Variants in RPL21 observed in about 807,000 individuals in gnomAD.
The protein encoded by RPL21 is large ribosomal subunit protein eL21.
Under a neutral mutation model 21.2 loss-of-function variants are expected in RPL21, and 1 was observed. The ratio of observed to expected loss-of-function variants is 0.05; its 90% confidence interval spans 0.02 to 0.22. The LOEUF is 0.22. Among genes scored for constraint, RPL21 ranks in the 10% least tolerant of loss-of-function variants. RPL21 has a pLI of 1.00. For missense variants in RPL21, 113 were observed against 199.4 expected, an observed-to-expected ratio of 0.57 and a Z score of 2.61; for synonymous variants, 52 against 62.9, an observed-to-expected ratio of 0.83 and a Z score of 0.82.
intron 2 of RPL21, 72 bp downstream of exon 2, chr13:27,253,915 A>G: frequency 1.1e-6 from 1 of 892,980 alleles, no homozygotes; most frequent in Non-Finnish European, 1.9e-6. Context: ...CATGTGTTGT[A>G]GTTCATAGAA....
intron 4 of RPL21, 21 bp from the exon 5 acceptor site, chr13:27,256,163 A>G (rs753084762): frequency 9.5e-6 from 15 of 1,573,196 alleles, no homozygotes; most frequent in Non-Finnish European, 1.1e-5. Flanking sequence ...AAGCACTTAA[A>G]AGAATTTCTG....
Position 27,253,861 on chromosome 13 carries a change from C to A in RPL21, c.67+18C>A, listed in dbSNP as rs765256469. 3 of 1,411,928 alleles carry A rather than the reference C, an allele frequency of 2.1e-6. No individual in the cohort carries two copies. The highest frequency in any genetic ancestry group is 3.0e-6 in the Non-Finnish European group (3 of 995,778). 87.5% of individuals were successfully genotyped at this position (1,411,928 alleles called of 1,614,324 possible). Reference sequence around the variant, plus strand: ...AAAACATGGTAAGTAGGTTTACCTTCCTTGAGAGAAGCATGGCACACATTT... The same window carrying A: ...AAAACATGGTAAGTAGGTTTACCTTACTTGAGAGAAGCATGGCACACATTT... On this transcript the variant is annotated intron_variant, in intron 2 of 5. Coordinates refer to ENST00000311549, the MANE Select transcript of RPL21 (RefSeq NM_000982.4).
intron 3 of RPL21, 101 bp downstream of exon 3, chr13:27,254,382 T>C (rs1881789978): frequency 1.7e-6 from 1 of 588,784 alleles, no homozygotes; most frequent in East Asian, 3.0e-5. Context: ...TCTGTAAGAG[T>C]ATAGAATGGA....
chr13:27,254,371 A>G (rs1198583092), intron 3 of RPL21, 90 bp downstream of exon 3: 2 of 740,240 alleles, frequency 2.7e-6, no homozygotes, highest in East Asian at 5.2e-5. Context: ...TGTATGTTGC[A>G]TCTGTAAGAG....
At chr13:27,256,149 G>A in intron 4 of RPL21, 35 bp from the exon 5 acceptor site, 2 of 1,533,160 alleles carry the variant, frequency 1.3e-6, no homozygotes, top group Non-Finnish European at 1.8e-6. Flanking sequence ...TTATATTTTT[G>A]TTAAAGCACT....
intron 3 of RPL21, 180 bp from the exon 4 acceptor site, chr13:27,255,062 C>T (rs553802640): frequency 8.6e-5 from 65 of 759,748 alleles, no homozygotes; most frequent in Admixed American, 4.8e-4. Flanking sequence ...TCTTGGCACT[C>T]GAGCTTAATG....
chr13:27,254,228 C>A lies in RPL21; in HGVS notation c.76C>A (p.Pro26Thr). Residue 26 changes from proline to threonine, a missense_variant, in exon 3 of 6, where the codon CCT becomes ACT. Physicochemically the swap from Pro to Thr is conservative, Grantham distance 38. Coordinates refer to ENST00000311549, the MANE Select transcript of RPL21 (RefSeq NM_000982.4). ...CAAATTTATTTTTGTAGGAGTTGTT[C>A]CTTTGGCCACATATATGCGAATCTA... The part of the protein sequence containing the change: ...SRPFRKHGVV[P>T]LATYMRIYKK... 6.3e-7 allele frequency: 1 copy of A among 1,592,736 alleles called. No homozygotes were observed. Among genetic ancestry groups the A allele is most frequent in the South Asian group, 1.1e-5 (1 of 90,624 alleles).
chr13:27,253,512 C>T (rs1277943917), intron 1 of RPL21, among the ~76,000 whole-genome samples: 1 of 152,166 alleles, frequency 6.6e-6, no homozygotes, highest in Non-Finnish European at 1.5e-5. Context: ...AGAAAGGGTA[C>T]TAGTTTGGAT....
intron 3 of RPL21, 103 bp downstream of exon 3, chr13:27,254,384 T>C: frequency 1.9e-6 from 1 of 538,004 alleles, no homozygotes; most frequent in South Asian, 2.0e-5. Flanking sequence ...TGTAAGAGTA[T>C]AGAATGGATT....
At chr13:27,252,778 A>G (rs1020477974) in intron 1 of RPL21, among the ~76,000 whole-genome samples, 5 of 152,174 alleles carry the variant, frequency 3.3e-5, no homozygotes, top group African/African-American at 1.2e-4. Context: ...CTTGCTATAC[A>G]ATTTTTATAA....
At chr13:27,253,267 A>G (rs1318440303) in intron 1 of RPL21, among the ~76,000 whole-genome samples, 1 of 152,272 alleles carries the variant, frequency 6.6e-6, no homozygotes, top group African/African-American at 2.4e-5. Context: ...GTAAATAATC[A>G]GAAATGTGAA....
Position 27,256,217 on chromosome 13 carries a change from T to C in RPL21, c.276T>C (p.Arg92=). The C allele has an allele frequency of 1.9e-6, 3 of 1,588,084 alleles. No individual in the cohort carries two copies. Among genetic ancestry groups the C allele is most frequent in the South Asian group, 2.2e-5 (2 of 88,966 alleles). Residue 92 remains arginine (R), a synonymous_variant, in exon 5 of 6, where the codon CGT becomes CGC. Coordinates refer to ENST00000311549, the MANE Select transcript of RPL21 (RefSeq NM_000982.4). ...TTCTTGCCAAGAGAATTAATGTGCG[T>C]ATTGAGCACATTAAGCACTCTAAGA... ...GKILAKRINV[R]IEHIKHSKSR... is the part of the protein sequence containing the mutation.
intron 1 of RPL21, among the ~76,000 whole-genome samples, chr13:27,252,156 C>G (rs1290912550): frequency 6.6e-6 from 1 of 152,146 alleles, no homozygotes; most frequent in African/African-American, 2.4e-5. Flanking sequence ...GTGATGAACC[C>G]TCACTGCCCT....
chr13:27,253,992 C>T, intron 2 of RPL21, 149 bp downstream of exon 2: 3 of 704,258 alleles, frequency 4.3e-6, no homozygotes, highest in Non-Finnish European at 5.1e-6. Flanking sequence ...AAATAAATTA[C>T]CAAAATTATA....
chr13:27,252,805 G>A (rs925714683), intron 1 of RPL21, among the ~76,000 whole-genome samples: 1 of 152,170 alleles, frequency 6.6e-6, no homozygotes, highest in African/African-American at 2.4e-5. Flanking sequence ...TACTTTGGGA[G>A]CCATTCTTAA....
intron 4 of RPL21, chr13:27,255,581 T>C: frequency 5.8e-6 from 4 of 689,838 alleles, no homozygotes; most frequent in South Asian, 5.5e-5. Context: ...GGTTTGTTTG[T>C]TTTGTTTCGA....
Position 27,256,239 on chromosome 13 carries a change from A to C in RPL21, c.298A>C (p.Lys100Gln), listed in dbSNP as rs763561488. The C allele has an allele frequency of 6.3e-7, 1 of 1,587,934 alleles. No individual in the cohort carries two copies. Among genetic ancestry groups the C allele is most frequent in the East Asian group, 2.3e-5 (1 of 44,242 alleles). The change falls in exon 5 of 6, where the codon AAG becomes CAG. Residue 100 changes from lysine (K) to glutamine (Q), a missense_variant. Transcript: ENST00000311549. ...GCGTATTGAGCACATTAAGCACTCT[A>C]AGAGCCGAGATAGCTTCCTGAAACG... ...NVRIEHIKHS[K>Q]SRDSFLKRVK... is the part of the protein sequence containing the mutation.
intron 3 of RPL21, 130 bp downstream of exon 3, chr13:27,254,411 T>TTTTTTTTGA (rs56287071): frequency 1.5e-6 from 1 of 647,118 alleles, no homozygotes; most frequent in Non-Finnish European, 2.7e-6. Flanking sequence ...TTTTTTTTTT[T>TTTTTTTTGA]GGAGACGGAG....
chr13:27,251,979 C>T (rs983415253), intron 1 of RPL21: 3 of 152,374 alleles, frequency 2.0e-5, no homozygotes, highest in African/African-American at 7.2e-5. Context: ...TTTCTAACTC[C>T]TTTCAGTGTG....
Sources: allele counts gnomAD v4.1 joint callset (sites outside exome capture counted in the v4.1 genomes callset), GRCh38; gene constraint gnomAD v4.1.1; transcripts MANE v1.5; gene names NCBI Gene and HGNC (gene_info 2026-07-23, HGNC 2026-07-21).